PRKCA: variants seen among roughly 807,000 people sequenced by gnomAD.
PRKCA encodes the protein protein kinase C alpha.
PRKCA carries 27 observed loss-of-function variants against 87.0 expected under a neutral mutation model. The observed-to-expected ratio is 0.31, with a 90% CI of 0.23 to 0.43. PRKCA has a LOEUF of 0.43. Ranked by LOEUF, PRKCA falls within the 20% of genes least tolerant of loss-of-function variation. The probability of loss-of-function intolerance (pLI) is 1.00; values close to 1 mark genes in which losing one functional copy is unlikely to be tolerated. For synonymous variants in PRKCA, 329 were observed against 311.1 expected, an observed-to-expected ratio of 1.06 and a Z score of -0.61; for missense variants, 518 against 852.3, an observed-to-expected ratio of 0.61 and a Z score of 4.88.
At position 66,361,212 on chromosome 17, in the gene PRKCA, T is replaced by C. The variant is rs140227525; in HGVS notation, c.205+55085T>C. ...TGATATCAACCAAACCAAATGTCAA[T>C]AAGTCATTCATTGTGAATCATCCTT... On this transcript the variant is annotated intron_variant, in intron 2 of 16. Coordinates refer to ENST00000413366, the MANE Select transcript of PRKCA (RefSeq NM_002737.3). 2.6e-3 allele frequency among the ~76,000 whole-genome samples: 398 copies of C among 152,248 alleles called. 1 individual carries two copies. Among genetic ancestry groups the C allele is most frequent in the African/African-American group, 8.3e-3 (344 of 41,548 alleles).
chr17:66,475,257 T>C (rs868845694), intron 2 of PRKCA, among the ~76,000 whole-genome samples: 13 of 152,270 alleles, frequency 8.5e-5, no homozygotes, highest in Middle Eastern at 6.8e-3. Flanking sequence ...AGATTTGTTG[T>C]ATGGAACTCT....
chr17:66,669,990 C>T (rs573467294), intron 5 of PRKCA, among the ~76,000 whole-genome samples: 5 of 152,280 alleles, frequency 3.3e-5, no homozygotes, highest in African/African-American at 9.6e-5. Context: ...TACAGGAGAA[C>T]AAAAACCAGG....
At chr17:66,401,040 A>C (rs1169067292) in intron 2 of PRKCA, among the ~76,000 whole-genome samples, 1 of 152,186 alleles carries the variant, frequency 6.6e-6, no homozygotes, top group African/African-American at 2.4e-5. Flanking sequence ...TTTAGTACAA[A>C]TGTTCTCAGT....
chr17:66,682,506 G>A (rs573807125), intron 5 of PRKCA, among the ~76,000 whole-genome samples: 35 of 152,342 alleles, frequency 2.3e-4, no homozygotes, highest in Admixed American at 2.1e-3. Context: ...TTCTTCCCGC[G>A]TTCCCTGCCA....
At chr17:66,704,374 A>G (rs1184562388) in intron 8 of PRKCA, among the ~76,000 whole-genome samples, 3 of 152,224 alleles carry the variant, frequency 2.0e-5, no homozygotes, top group Non-Finnish European at 2.9e-5. Context: ...GTACTAGTAC[A>G]TATATTAAGG....
chr17:66,656,995 G>A (rs1371650224), intron 5 of PRKCA, among the ~76,000 whole-genome samples: 2 of 152,176 alleles, frequency 1.3e-5, no homozygotes, highest in African/African-American at 2.4e-5. Flanking sequence ...CACCTGCTCT[G>A]ATTATTGGCA....
intron 2 of PRKCA, among the ~76,000 whole-genome samples, chr17:66,470,228 G>A (rs1312236964): frequency 8.5e-6 from 1 of 117,644 alleles, no homozygotes; most frequent in Non-Finnish European, 1.7e-5. Flanking sequence ...ACAGAGTTTT[G>A]CTCTTTGGCC....
chr17:66,797,268 C>T (rs943265623), intron 16 of PRKCA, among the ~76,000 whole-genome samples: 3 of 152,230 alleles, frequency 2.0e-5, no homozygotes, highest in African/African-American at 7.2e-5. Context: ...TGGGGGCACA[C>T]TGCAATCCCA....
intron 2 of PRKCA, among the ~76,000 whole-genome samples, chr17:66,418,440 C>CTT (rs113526885): frequency 2.0e-4 from 28 of 142,242 alleles, no homozygotes; most frequent in Non-Finnish European, 3.1e-4. Flanking sequence ...TTGTTTTAGC[C>CTT]TTTTTTTTTT....
intron 2 of PRKCA, among the ~76,000 whole-genome samples, chr17:66,352,151 C>T (rs996627488): frequency 1.3e-5 from 2 of 152,096 alleles, no homozygotes; most frequent in Admixed American, 1.3e-4. Flanking sequence ...AGAGGGCTGA[C>T]GTGAGATCCC....
At chr17:66,388,519 CTT>C (rs1910189934) in intron 2 of PRKCA, among the ~76,000 whole-genome samples, 1 of 152,108 alleles carries the variant, frequency 6.6e-6, no homozygotes, top group African/African-American at 2.4e-5. Context: ...GTCTCGAACT[CTT>C]GACCTCAAGT....
intron 3 of PRKCA, among the ~76,000 whole-genome samples, chr17:66,512,527 T>C (rs535221500): frequency 1.0e-3 from 154 of 151,582 alleles, no homozygotes; most frequent in Non-Finnish European, 1.8e-3. Context: ...AGGCCCATCA[T>C]GATTGTGATC....
chr17:66,570,293 G>T (rs1330604536), intron 3 of PRKCA, among the ~76,000 whole-genome samples: 2 of 152,178 alleles, frequency 1.3e-5, no homozygotes, highest in Non-Finnish European at 2.9e-5. Context: ...GGACGGGTTT[G>T]TGGATACACA....
chr17:66,628,518 T>C (rs1441390508), intron 3 of PRKCA, among the ~76,000 whole-genome samples: 1 of 152,194 alleles, frequency 6.6e-6, no homozygotes, highest in Non-Finnish European at 1.5e-5. Context: ...TCATCTTTCT[T>C]GAATGAAATC....
intron 13 of PRKCA, among the ~76,000 whole-genome samples, chr17:66,754,299 G>A (rs1361295702): frequency 1.3e-5 from 2 of 151,816 alleles, no homozygotes; most frequent in African/African-American, 4.8e-5. Flanking sequence ...AGGAATAAAG[G>A]CCCCAGAGGG....
intron 2 of PRKCA, among the ~76,000 whole-genome samples, chr17:66,395,510 C>T (rs1910613152): frequency 6.6e-6 from 1 of 152,126 alleles, no homozygotes; most frequent in African/African-American, 2.4e-5. Flanking sequence ...ACTCAGTAGG[C>T]ACACTTGGCT....
intron 2 of PRKCA, among the ~76,000 whole-genome samples, chr17:66,340,323 G>C (rs1906964777): frequency 6.6e-6 from 1 of 151,500 alleles, no homozygotes; most frequent in Non-Finnish European, 1.5e-5. Flanking sequence ...CTCCACAAGG[G>C]ACTGCAGAAT....
At chr17:66,737,531 A>C (rs1405680870) in intron 10 of PRKCA, among the ~76,000 whole-genome samples, 1 of 152,190 alleles carries the variant, frequency 6.6e-6, no homozygotes, top group Non-Finnish European at 1.5e-5. Context: ...TCAGAGATTG[A>C]CTTTCTGTCT....
At chr17:66,655,210 G>A (rs1971702826) in intron 5 of PRKCA, among the ~76,000 whole-genome samples, 1 of 152,214 alleles carries the variant, frequency 6.6e-6, no homozygotes, top group African/African-American at 2.4e-5. Context: ...ACTGGCATGT[G>A]TTCAGTGGAT....
Sources: allele counts gnomAD v4.1 joint callset (sites outside exome capture counted in the v4.1 genomes callset), GRCh38; gene constraint gnomAD v4.1.1; transcripts MANE v1.5; gene names NCBI Gene and HGNC (gene_info 2026-07-23, HGNC 2026-07-21).